Variants in GATA4 observed in about 807,000 individuals in gnomAD.
GATA4 encodes GATA binding protein 4.
GATA4 carries 7 observed loss-of-function variants against 37.9 expected under a neutral mutation model. The ratio of observed to expected loss-of-function variants is 0.18; its 90% confidence interval spans 0.11 to 0.35. GATA4 has a LOEUF of 0.35. GATA4 is among the 10% of genes least tolerant of loss of function. GATA4 has a pLI of 1.00. For missense variants in GATA4, 647 were observed against 653.0 expected (o/e 0.99, Z 0.10); for synonymous variants, 372 against 292.6 (o/e 1.27, Z -2.77).
At chr8:11,694,373 T>C in intron 1 of GATA4, 2 of 434,026 alleles carry the variant, frequency 4.6e-6, no homozygotes, top group Non-Finnish European at 6.1e-6. Flanking sequence ...AACCGTTGCC[T>C]GTTTCACTCA....
At chr8:11,687,603 T>C (rs1372184198) in intron 1 of GATA4, among the ~76,000 whole-genome samples, 1 of 152,166 alleles carries the variant, frequency 6.6e-6, no homozygotes, top group Non-Finnish European at 1.5e-5. Flanking sequence ...CCCCTTTTTA[T>C]AGATGAGAAA....
intron 2 of GATA4, among the ~76,000 whole-genome samples, chr8:11,726,761 C>T (rs1369917077): frequency 6.6e-6 from 1 of 152,172 alleles, no homozygotes; most frequent in Non-Finnish European, 1.5e-5. Context: ...CCTGTAGACA[C>T]CCCTTGCATC....
chr8:11,738,535 G>A (rs569843366), intron 2 of GATA4, among the ~76,000 whole-genome samples: 42 of 152,264 alleles, frequency 2.8e-4, no homozygotes, highest in African/African-American at 9.1e-4. Flanking sequence ...TAACCAGTCC[G>A]GTATTGATGA....
At chr8:11,725,023 C>T (rs964558626) in intron 2 of GATA4, among the ~76,000 whole-genome samples, 3 of 152,232 alleles carry the variant, frequency 2.0e-5, no homozygotes, top group African/African-American at 7.2e-5. Context: ...CTGACGTTGC[C>T]CGCTCAGGGG....
chr8:11,692,976 G>A (rs544357694), intron 1 of GATA4: 1 of 985,372 alleles, frequency 1.0e-6, no homozygotes, highest in East Asian at 1.1e-4. Flanking sequence ...CGGCCCCGCG[G>A]CCATCCATCA....
chr8:11,691,551 A>T (rs1227212962), upstream of GATA4, among the ~76,000 whole-genome samples: 1 of 152,218 alleles, frequency 6.6e-6, no homozygotes, highest in Non-Finnish European at 1.5e-5. Flanking sequence ...AAATGTTGGG[A>T]TAGGAAGGAA....
chr8:11,750,486 G>T (rs770172066), intron 4 of GATA4, among the ~76,000 whole-genome samples: 9 of 152,152 alleles, frequency 5.9e-5, no homozygotes, highest in Non-Finnish European at 1.3e-4. Flanking sequence ...GTGACGTTTC[G>T]ATTCAGTGGA....
At chr8:11,757,607 G>C (rs1383781841) in intron 6 of GATA4, among the ~76,000 whole-genome samples, 2 of 152,214 alleles carry the variant, frequency 1.3e-5, no homozygotes, top group African/African-American at 4.8e-5. Context: ...GAAAGGCCTG[G>C]ATCCTGCAGA....
In GATA4 at chr8:11,680,753, C is replaced by G. The variant is rs569470269; in HGVS notation, c.-274+3690C>G. 411 of 985,374 alleles carry G rather than the reference C, an allele frequency of 4.2e-4. 3 individuals carry two copies. The African/African-American group carries it at 6.7e-3, about 16-fold the overall frequency. The allele number at this position is 985,374 out of a possible 1,614,324, so 61.0% of individuals were successfully genotyped here. ...CTGGGCGGCGAGGAGAGCCCGGCTT[C>G]TGCGCACCCCTCTCCAGATGCGAGG... On this transcript the variant is annotated intron_variant, in intron 1 of 6. Transcript: ENST00000528712.
At chr8:11,711,597 G>C (rs1800184760) in intron 2 of GATA4, among the ~76,000 whole-genome samples, 2 of 152,114 alleles carry the variant, frequency 1.3e-5, no homozygotes. Flanking sequence ...GGGCAACATA[G>C]TGAGACCCCA....
chr8:11,748,921 A>G lies in GATA4; in HGVS notation c.622A>G (p.Met208Val). ...GTCTGTTCCCCCCAACTCAGTAGAT[A>G]TGTTTGACGACTTCTCAGAAGGCAG... ...PAARHPNLVDMFDDFSEGREC... is the reference protein window; with the variant it reads ...PAARHPNLVDVFDDFSEGREC... Residue 208 changes from methionine to valine, a missense_variant, in exon 3 of 7, where the codon ATG (methionine) becomes GTG (valine). By Grantham distance (21) the Met-to-Val change is conservative. Coordinates refer to ENST00000532059, the MANE Select transcript of GATA4 (RefSeq NM_001308093.3). The G allele has an allele frequency of 1.2e-6, 2 of 1,614,256 alleles. No homozygotes were observed. The highest frequency in any genetic ancestry group is 1.7e-6 in the Non-Finnish European group (2 of 1,180,042).
rs556989418 is a variant in GATA4 at position 11,714,405 on chromosome 8, G to A, written c.616+5477G>A. On this transcript the variant is annotated intron_variant, in intron 2 of 6. Transcript: ENST00000532059. The stretch of plus-strand genomic sequence containing the variant: ...AGTGAAAAACCCCGAAGTGTTTTCT[G>A]GATCTTTTGGGACCTGCTTATCAAG... Among the ~76,000 whole-genome samples the A allele has an allele frequency of 2.6e-5, 4 of 152,298 alleles. No homozygotes were observed. The East Asian group carries it at 7.7e-4, about 29-fold the overall frequency.
At chr8:11,758,172 C>G in intron 6 of GATA4, 121 bp from the exon 7 acceptor site, 1 of 948,354 alleles carries the variant, frequency 1.1e-6, no homozygotes, top group Non-Finnish European at 1.7e-6. Context: ...TCCTTGGTCC[C>G]TTCCTGAGGG....
At chr8:11,726,994 T>A (rs6986736) in intron 2 of GATA4, among the ~76,000 whole-genome samples, 95,949 of 151,872 alleles carry the variant, frequency 0.63, 30,456 homozygotes, top group East Asian at 0.86. Flanking sequence ...ACTCACTTTG[T>A]GTAGATTCTC....
chr8:11,731,360 G>T (rs939891407), intron 2 of GATA4, among the ~76,000 whole-genome samples: 1 of 152,248 alleles, frequency 6.6e-6, no homozygotes, highest in African/African-American at 2.4e-5. Flanking sequence ...ATGAATGAAT[G>T]AACAAATGTG....
chr8:11,718,474 C>A (rs1390298762), intron 2 of GATA4, among the ~76,000 whole-genome samples: 1 of 152,206 alleles, frequency 6.6e-6, no homozygotes, highest in Non-Finnish European at 1.5e-5. Flanking sequence ...AAAGCCTCTG[C>A]AAGTAAAATT....
intron 2 of GATA4, among the ~76,000 whole-genome samples, chr8:11,745,588 A>G (rs1801991139): frequency 6.6e-6 from 1 of 152,062 alleles, no homozygotes; most frequent in Admixed American, 6.5e-5. Flanking sequence ...CCTGTCTCAC[A>G]AAAAGTTTTT....
At chr8:11,699,254 A>C (rs1799595823), upstream of GATA4, among the ~76,000 whole-genome samples, 1 of 152,196 alleles carries the variant, frequency 6.6e-6, no homozygotes, top group Non-Finnish European at 1.5e-5. Context: ...AAAGCACAAG[A>C]TCATTTTACT....
chr8:11,698,072 G>T, intron 1 of GATA4: 1 of 946,110 alleles, frequency 1.1e-6, no homozygotes, highest in Non-Finnish European at 1.3e-6. Context: ...TCCCACCCAG[G>T]CCCGGCCGCT....
Sources: allele counts gnomAD v4.1 joint callset (sites outside exome capture counted in the v4.1 genomes callset), GRCh38; gene constraint gnomAD v4.1.1; transcripts MANE v1.5; gene names NCBI Gene and HGNC (gene_info 2026-07-23, HGNC 2026-07-21).